The following SAMD4B variants were observed in gnomAD, a reference collection of about 807,000 sequenced individuals.
The protein encoded by SAMD4B is protein Smaug homolog 2.
In SAMD4B, 5 loss-of-function variants were observed where a neutral mutation model predicts 74.5. That is an observed-to-expected ratio of 0.07 (90% CI 0.04 to 0.14). The LOEUF is 0.14. SAMD4B is among the 10% of genes least tolerant of loss of function. The probability of loss-of-function intolerance (pLI) is 1.00; values close to 1 mark genes in which losing one functional copy is unlikely to be tolerated. For synonymous variants in SAMD4B, 373 were observed against 374.9 expected, an observed-to-expected ratio of 1.00 and a Z score of 0.06; for missense variants, 608 against 921.8, an observed-to-expected ratio of 0.66 and a Z score of 4.41.
chr19:39,382,219 G>GAACA (rs2078036699), intron 12 of SAMD4B, among the ~76,000 whole-genome samples: 1 of 152,172 alleles, frequency 6.6e-6, no homozygotes, highest in African/African-American at 2.4e-5. Flanking sequence ...CTAGCACAGG[G>GAACA]CTTGACACAC....
chr19:39,383,655 T>C lies in SAMD4B; in HGVS notation c.*128T>C, dbSNP rs2078139844. On this transcript the variant is annotated 3_prime_UTR_variant, in exon 14 of 14. Transcript: ENST00000610417. This position sits in a 1 kb window ranked among gnomAD's most constrained non-coding sequence, Gnocchi z 4.1. ...TATATATTCTAATATTTTTCTACTC[T>C]CTTACCCTCTTAACTTTTGTTTAAC... The C allele has an allele frequency of 5.7e-6, 9 of 1,588,668 alleles. No individual in the cohort carries two copies. Among genetic ancestry groups the C allele is most frequent in the Non-Finnish European group, 7.7e-6 (9 of 1,169,920 alleles).
In SAMD4B at chr19:39,385,347, A is replaced by G; in HGVS notation, c.*1820A>G. 5.0e-6 allele frequency: 2 copies of G among 399,112 alleles called. No individual in the cohort carries two copies. Among genetic ancestry groups the G allele is most frequent in the Non-Finnish European group, 8.8e-6 (2 of 226,294 alleles). The allele number at this position is 399,112 out of a possible 1,614,324, so 24.7% of individuals were successfully genotyped here. A position where few individuals can be genotyped will look rare whatever the true frequency, so the allele number is the denominator to read the frequency against. On this transcript the variant is annotated 3_prime_UTR_variant, in exon 14 of 14. Transcript: ENST00000610417. Reference sequence around the variant, plus strand: ...GCCTGTCCTGTCTTGTTCACTCTCCATCAGGGTGAGCTGACTGTGCCTGGC... The same window carrying G: ...GCCTGTCCTGTCTTGTTCACTCTCCGTCAGGGTGAGCTGACTGTGCCTGGC...
rs1254954328 is a variant in SAMD4B, at chr19:39,383,861, G to T, written c.*334G>T. On this transcript the variant is annotated 3_prime_UTR_variant, in exon 14 of 14. Transcript: ENST00000610417. The surrounding 1 kb of genome is among the most constrained non-coding windows in gnomAD (Gnocchi z 4.1). The stretch of plus-strand genomic sequence containing the variant: ...GCCTCCTCCAGACCGCTGACCACCT[G>T]CCTCTCCCCAAGGGAGCAGACTCCC... 2 of 716,788 alleles carry T rather than the reference G, an allele frequency of 2.8e-6. No individual in the cohort carries two copies. The highest frequency in any genetic ancestry group is 5.4e-5 in the Admixed American group (2 of 37,288). The allele number at this position is 716,788 out of a possible 1,614,324, so 44.4% of individuals were successfully genotyped here.
At chr19:39,357,664 C>G (rs1007438311) in intron 3 of SAMD4B, among the ~76,000 whole-genome samples, 6 of 152,132 alleles carry the variant, frequency 3.9e-5, no homozygotes, top group Non-Finnish European at 7.3e-5. Flanking sequence ...TAAGACCTGT[C>G]CCTTAGGCCC....
At chr19:39,348,040 T>A (rs2075805005) in intron 1 of SAMD4B, among the ~76,000 whole-genome samples, 1 of 152,122 alleles carries the variant, frequency 6.6e-6, no homozygotes, top group African/African-American at 2.4e-5. Flanking sequence ...AGAAGAGGCC[T>A]CTTTTGGGAG....
intron 1 of SAMD4B, chr19:39,351,546 C>T (rs1381445260): frequency 6.6e-6 from 1 of 152,156 alleles, no homozygotes; most frequent in East Asian, 1.9e-4. Context: ...TGAAACCCAA[C>T]TCAAACTGGC....
chr19:39,367,267 T>G (rs1244811775), intron 3 of SAMD4B, among the ~76,000 whole-genome samples: 2 of 152,144 alleles, frequency 1.3e-5, no homozygotes, highest in African/African-American at 4.8e-5. Context: ...TTCCAAGACC[T>G]CACCATTAGC....
At chr19:39,346,884 C>G (rs950814304) in intron 1 of SAMD4B, among the ~76,000 whole-genome samples, 29 of 152,100 alleles carry the variant, frequency 1.9e-4, no homozygotes, top group Admixed American at 1.5e-3. Context: ...AATAATGATA[C>G]TTTACTTCAT....
At chr19:39,361,390 G>A (rs557849404) in intron 3 of SAMD4B, among the ~76,000 whole-genome samples, 1 of 152,114 alleles carries the variant, frequency 6.6e-6, no homozygotes, top group African/African-American at 2.4e-5. Flanking sequence ...GCCGAGGCAG[G>A]CGGATCATGA....
Position 39,383,087 on chromosome 19 carries a change from C to T in SAMD4B, c.1973-121C>T. ...CTCTCCCTGTCCACCTCCTCCCGTTCTTCCCTCTCCCCCTCCATCTCTCTT... is the reference window on the plus strand; with the variant it reads ...CTCTCCCTGTCCACCTCCTCCCGTTTTTCCCTCTCCCCCTCCATCTCTCTT... On this transcript the variant is annotated intron_variant, in intron 12 of 13. Transcript: ENST00000610417. This position sits in a 1 kb window ranked among gnomAD's most constrained non-coding sequence, Gnocchi z 4.1. 1.3e-6 allele frequency: 1 copy of T among 796,472 alleles called. No homozygotes were observed. The highest frequency in any genetic ancestry group is 1.7e-5 in the African/African-American group (1 of 59,380). The allele number at this position is 796,472 out of a possible 1,614,324, so 49.3% of individuals were successfully genotyped here.
rs775048986 is a variant in SAMD4B at position 39,379,980 on chromosome 19, G to A, written c.1545G>A (p.Thr515=). ...KCLTHEAFTE[T]QKKRLLSWKQ... ...GCCAATTCTAGGCTTTCACGGAGAC[G>A]CAGAAGAAACGGCTGCTATCCTGGA... is the stretch of plus-strand genomic sequence containing the variant. The change falls in exon 10 of 14, where the codon ACG becomes ACA. Residue 515 remains threonine, a synonymous_variant. Coordinates refer to ENST00000610417, the MANE Select transcript of SAMD4B (RefSeq NM_001384574.2). The A allele has an allele frequency of 2.4e-5, 39 of 1,613,740 alleles. No individual in the cohort carries two copies. Among genetic ancestry groups the A allele is most frequent in the South Asian group, 2.2e-5 (2 of 91,006 alleles).
chr19:39,387,101 CAT>C, downstream of SAMD4B: 1 of 493,038 alleles, frequency 2.0e-6, no homozygotes, highest in Non-Finnish European at 3.8e-6. Flanking sequence ...AGATATACAT[CAT>C]GTGAACATCA....
downstream of SAMD4B, chr19:39,388,791 C>T (rs547127898): frequency 3.1e-5 from 50 of 1,614,144 alleles, no homozygotes; most frequent in Middle Eastern, 3.3e-4. Flanking sequence ...TCATCTCCAA[C>T]GCAGCTGCAC....
chr19:39,369,579 C>T (rs16973363), intron 3 of SAMD4B, 76 bp from the exon 4 acceptor site: 15,016 of 1,153,656 alleles, frequency 0.013, 517 homozygotes, highest in African/African-American at 0.095. Context: ...AGGGAATAGG[C>T]CATAGGCAGT....
chr19:39,369,022 A>G (rs1324933136), intron 3 of SAMD4B: 2 of 152,832 alleles, frequency 1.3e-5, no homozygotes, highest in African/African-American at 4.8e-5. Context: ...GGAGTCATGG[A>G]GATAAAGCAT....
At chr19:39,363,959 C>A (rs1568353754) in intron 3 of SAMD4B, among the ~76,000 whole-genome samples, 2 of 152,230 alleles carry the variant, frequency 1.3e-5, no homozygotes, top group Non-Finnish European at 2.9e-5. Flanking sequence ...GCTGGGCTCA[C>A]CCCAAGGGGC....
At chr19:39,357,168 C>A in intron 3 of SAMD4B, 79 bp downstream of exon 3, 2 of 1,311,430 alleles carry the variant, frequency 1.5e-6, no homozygotes, top group Non-Finnish European at 2.1e-6. Flanking sequence ...GAAGGTCAAC[C>A]CAACAATGGG....
intron 3 of SAMD4B, among the ~76,000 whole-genome samples, chr19:39,359,600 T>C (rs1426865739): frequency 2.0e-5 from 3 of 152,230 alleles, no homozygotes; most frequent in Non-Finnish European, 4.4e-5. Context: ...CGTTAAGTAT[T>C]TATTTACACC....
chr19:39,354,974 G>A (rs539586781), intron 2 of SAMD4B, among the ~76,000 whole-genome samples: 161 of 152,312 alleles, frequency 1.1e-3, no homozygotes, highest in Non-Finnish European at 1.9e-3. Flanking sequence ...CCAGCTTCAA[G>A]CGATTATCGT....
Sources: gnomAD v4.1 joint callset for allele counts (sites outside exome capture counted in the v4.1 genomes callset) on GRCh38, gnomAD v4.1.1 for gene constraint, Gnocchi (gnomAD v3.1) non-coding constraint, MANE v1.5 for transcripts, NCBI Gene and HGNC (gene_info 2026-07-23, HGNC 2026-07-21) for gene names.